The following C13orf42 variants were observed in gnomAD, a reference collection of about 807,000 sequenced individuals.
C13orf42 encodes chromosome 13 open reading frame 42.
chr13:51,151,924 A>T (rs980606363), intron 1 of C13orf42, among the ~76,000 whole-genome samples: 1 of 152,166 alleles, frequency 6.6e-6, no homozygotes, highest in East Asian at 1.9e-4. Flanking sequence ...GCTGGTCTAG[A>T]CCCTTGATCC....
intron 1 of C13orf42, among the ~76,000 whole-genome samples, chr13:51,141,729 C>T (rs1270343952): frequency 6.6e-6 from 1 of 150,912 alleles, no homozygotes. Context: ...ACCTGGGGGG[C>T]AGAGGTTGCA....
At chr13:51,105,097 G>A (rs959650811) in intron 1 of C13orf42, among the ~76,000 whole-genome samples, 36 of 150,350 alleles carry the variant, frequency 2.4e-4, no homozygotes, top group African/African-American at 5.2e-4. Context: ...CCAATTCTTC[G>A]GAGGATTTTG....
At chr13:51,099,055 C>T (rs1378481478) in intron 1 of C13orf42, among the ~76,000 whole-genome samples, 1 of 152,006 alleles carries the variant, frequency 6.6e-6, no homozygotes, top group Admixed American at 6.6e-5. Flanking sequence ...CCAAATTTAC[C>T]CACAAGCAAT....
chr13:51,155,123 T>C (rs1033344556), intron 1 of C13orf42, among the ~76,000 whole-genome samples: 8 of 152,188 alleles, frequency 5.3e-5, no homozygotes, highest in Admixed American at 2.6e-4. Context: ...TCATGTAAAA[T>C]GAATAAATAT....
At chr13:51,104,426 C>T (rs1470254843) in intron 1 of C13orf42, among the ~76,000 whole-genome samples, 1 of 152,138 alleles carries the variant, frequency 6.6e-6, no homozygotes, top group African/African-American at 2.4e-5. Context: ...GTGGCTCACA[C>T]CCGTAATCCC....
chr13:51,154,320 C>T (rs1473074282), intron 1 of C13orf42, among the ~76,000 whole-genome samples: 2 of 152,196 alleles, frequency 1.3e-5, no homozygotes, highest in Admixed American at 1.3e-4. Flanking sequence ...CTTTGAGTCC[C>T]TGCTTTCGAT....
intron 1 of C13orf42, among the ~76,000 whole-genome samples, chr13:51,140,960 G>A (rs1418943197): frequency 6.6e-6 from 1 of 152,076 alleles, no homozygotes; most frequent in African/African-American, 2.4e-5. Context: ...ATCATAATTT[G>A]TGTGATTATT....
chr13:51,141,017 TAA>T (rs200535710), intron 1 of C13orf42, among the ~76,000 whole-genome samples: 1 of 151,352 alleles, frequency 6.6e-6, no homozygotes, highest in African/African-American at 2.4e-5. Context: ...GTAATAAGAT[TAA>T]AAAAAATTTT....
intron 1 of C13orf42, among the ~76,000 whole-genome samples, chr13:51,146,341 G>A (rs560759646): frequency 1.4e-4 from 21 of 152,134 alleles, no homozygotes; most frequent in South Asian, 4.2e-4. Flanking sequence ...TGTCAGCTAC[G>A]GTCCATGTGG....
intron 1 of C13orf42, among the ~76,000 whole-genome samples, chr13:51,137,474 G>C (rs1953665975): frequency 6.6e-6 from 1 of 152,068 alleles, no homozygotes; most frequent in Non-Finnish European, 1.5e-5. Flanking sequence ...CTCCCTGAAG[G>C]GGCTGTTGGA....
Position 51,084,313 on chromosome 13 carries a change from G to A in C13orf42, c.816C>T (p.Ser272=). 5.0e-6 allele frequency: 2 copies of A among 398,756 alleles called. No homozygotes were observed. Among genetic ancestry groups the A allele is most frequent in the African/African-American group, 2.1e-5 (1 of 48,768 alleles). The allele number at this position is 398,756 out of a possible 1,614,324, so 24.7% of individuals were successfully genotyped here. The change falls in exon 4 of 4, where the codon TCC becomes TCT. Residue 272 remains serine, a synonymous_variant. Coordinates refer to ENST00000563710, the MANE Select transcript of C13orf42 (RefSeq NM_001351589.3). The part of the protein sequence containing the change: ...PKACKKDLGS[S]RQILFNFSGE... Reference sequence around the variant, plus strand: ...CTGAGAAGTTGAAAAGGATCTGTCTGGAGCTCCCCAGGCTAGAAGGAAGGA... The same window carrying A: ...CTGAGAAGTTGAAAAGGATCTGTCTAGAGCTCCCCAGGCTAGAAGGAAGGA...
intron 1 of C13orf42, among the ~76,000 whole-genome samples, chr13:51,126,143 G>A (rs1953575520): frequency 6.6e-6 from 1 of 152,212 alleles, no homozygotes; most frequent in Non-Finnish European, 1.5e-5. Flanking sequence ...CAAAGGCATT[G>A]CCACTATTTT....
intron 1 of C13orf42, among the ~76,000 whole-genome samples, chr13:51,163,440 G>A (rs112701816): frequency 0.013 from 1,990 of 152,208 alleles, 45 homozygotes; most frequent in African/African-American, 0.045. Flanking sequence ...GAGACCCAGG[G>A]CCAACAAAGG....
chr13:51,112,897 G>A (rs1482558417), upstream of C13orf42, among the ~76,000 whole-genome samples: 1 of 152,056 alleles, frequency 6.6e-6, no homozygotes, highest in Non-Finnish European at 1.5e-5. Context: ...GTATCCAGGG[G>A]AAGTCTCTCT....
intron 1 of C13orf42, among the ~76,000 whole-genome samples, chr13:51,144,033 T>G (rs1953717229): frequency 6.6e-6 from 1 of 152,198 alleles, no homozygotes; most frequent in Admixed American, 6.5e-5. Flanking sequence ...GTCAATTGTG[T>G]CTTTTAACTA....
chr13:51,103,946 G>A (rs1204375285), intron 1 of C13orf42, among the ~76,000 whole-genome samples: 1 of 152,172 alleles, frequency 6.6e-6, no homozygotes, highest in East Asian at 1.9e-4. Flanking sequence ...AAGTTGTGGA[G>A]ATGGATGGTA....
At position 51,164,372 on chromosome 13, in the gene C13orf42, T is replaced by TA. The variant is rs1953889551; in HGVS notation, n.136+7880dup. ...ACTGAATAATGCACCATTAAAAACA[T>TA]AAATAACAGCCAGGCACGGTGGCTC... On this transcript the variant is annotated intron_variant and non_coding_transcript_variant, in intron 1 of 4. Transcript: ENST00000433280. Among the ~76,000 whole-genome samples the TA allele has an allele frequency of 2.0e-5, 3 of 152,254 alleles. No individual in the cohort carries two copies. The South Asian group carries it at 6.2e-4, about 32-fold the overall frequency.
upstream of C13orf42, among the ~76,000 whole-genome samples, chr13:51,114,452 C>CT (rs928269257): frequency 1.2e-4 from 19 of 152,134 alleles, no homozygotes; most frequent in African/African-American, 4.1e-4. Flanking sequence ...GTGTATTTGA[C>CT]TTTTTTTTCT....
rs140467819 is a variant in C13orf42 at position 51,129,654 on chromosome 13, G to A, written n.137-16432C>T. 2.1e-3 allele frequency among the ~76,000 whole-genome samples: 315 copies of A among 152,108 alleles called. 4 individuals are homozygous for A. The highest frequency in any genetic ancestry group is 6.7e-3 in the African/African-American group (280 of 41,504). On this transcript the variant is annotated intron_variant and non_coding_transcript_variant, in intron 1 of 4. Transcript: ENST00000433280. ...CTCTGTGCAAACCAGTTGAACGCAC[G>A]ACAAAAATCATTGTTTATCTCCTCT...
Sources: allele counts gnomAD v4.1 joint callset (sites outside exome capture counted in the v4.1 genomes callset), GRCh38; gene constraint gnomAD v4.1.1; transcripts MANE v1.5; gene names NCBI Gene and HGNC (gene_info 2026-07-23, HGNC 2026-07-21).